Variants in IQSEC1 observed in about 807,000 individuals in gnomAD.
IQSEC1 encodes the protein IQ motif and SEC7 domain-containing protein 1.
In IQSEC1, 31 loss-of-function variants were observed where a neutral mutation model predicts 91.0. The observed-to-expected ratio is 0.34, with a 90% CI of 0.26 to 0.46. The LOEUF is 0.46. Ranked by LOEUF, IQSEC1 falls within the 20% of genes least tolerant of loss-of-function variation. The pLI, the probability that IQSEC1 is intolerant of heterozygous loss-of-function variation, is 1.00. For synonymous variants in IQSEC1, 699 were observed against 662.6 expected (o/e 1.05, Z -0.84); for missense variants, 1,388 against 1,575.6 (o/e 0.88, Z 2.02).
chr3:13,122,958 G>C (rs935929186), intron 2 of IQSEC1, among the ~76,000 whole-genome samples: 2 of 152,176 alleles, frequency 1.3e-5, no homozygotes, highest in Non-Finnish European at 2.9e-5. Flanking sequence ...CTGCCCCCAG[G>C]AGTGTCTTTC....
intron 1 of IQSEC1, among the ~76,000 whole-genome samples, chr3:13,271,442 C>A (rs1388415908): frequency 6.6e-5 from 10 of 151,960 alleles, no homozygotes; most frequent in Admixed American, 6.6e-4. Context: ...ACAACAGAAC[C>A]CCAAAATACA....
Position 13,280,096 on chromosome 3 carries a change from T to A in IQSEC1, c.272+2615A>T, listed in dbSNP as rs112547950. Reference sequence around the variant, plus strand: ...AAAGTATGGGAGGCAGCTATGATCATTCCTGCTTTGCGTGCATTTCAGAAA... The same window carrying A: ...AAAGTATGGGAGGCAGCTATGATCAATCCTGCTTTGCGTGCATTTCAGAAA... On this transcript the variant is annotated intron_variant, in intron 1 of 15. Transcript: ENST00000648114. Among the ~76,000 whole-genome samples the A allele has an allele frequency of 9.8e-3, 1,484 of 152,150 alleles. 29 individuals are homozygous for A. The highest frequency in any genetic ancestry group is 0.034 in the African/African-American group (1,398 of 41,410).
chr3:13,125,113 T>C (rs1559260084), intron 2 of IQSEC1, among the ~76,000 whole-genome samples: 1 of 152,180 alleles, frequency 6.6e-6, no homozygotes, highest in African/African-American at 2.4e-5. Flanking sequence ...CTCTACAGCA[T>C]GGTTTCTGCC....
chr3:12,941,610 G>T lies in IQSEC1; in HGVS notation c.279C>A (p.Ser93=), dbSNP rs139003369. The change falls in exon 2 of 14, where the codon TCC becomes TCA. Residue 93 remains serine, a synonymous_variant. Transcript: ENST00000613206. ...GGTCCGAGGAGAGCTCATAGCTCTCGGAGAGTGAGCGTGAGCGCTTGATGG... is the reference window on the plus strand; with the variant it reads ...GGTCCGAGGAGAGCTCATAGCTCTCTGAGAGTGAGCGTGAGCGCTTGATGG... The part of the protein sequence containing the change: ...EEAIKRSRSL[S]ESYELSSDLQ... The T allele has an allele frequency of 1.2e-3, 1,891 of 1,607,120 alleles. 20 individuals carry two copies. The African/African-American group carries it at 0.022, about 19-fold the overall frequency.
chr3:12,919,061 T>A (rs1158081500), intron 6 of IQSEC1, among the ~76,000 whole-genome samples: 2 of 151,816 alleles, frequency 1.3e-5, no homozygotes, highest in African/African-American at 4.8e-5. Context: ...CTTGGCCCCA[T>A]GAGAAGGGAG....
At chr3:12,916,321 G>A (rs533190045) in intron 6 of IQSEC1, among the ~76,000 whole-genome samples, 174 of 152,282 alleles carry the variant, frequency 1.1e-3, no homozygotes, top group African/African-American at 4.0e-3. Flanking sequence ...TGCTGCAGTG[G>A]TTGCTGTTGC....
intron 1 of IQSEC1, among the ~76,000 whole-genome samples, chr3:12,997,092 T>G (rs543613155): frequency 6.6e-6 from 1 of 152,302 alleles, no homozygotes; most frequent in Non-Finnish European, 1.5e-5. Flanking sequence ...GGTCCAGCAG[T>G]AGGAGAGGGA....
chr3:13,246,579 A>T (rs1695111704), intron 1 of IQSEC1, among the ~76,000 whole-genome samples: 1 of 152,244 alleles, frequency 6.6e-6, no homozygotes. Flanking sequence ...CAAAGGAAAT[A>T]TAGCTACGAA....
In IQSEC1 at chr3:13,267,657, G is replaced by A. The variant is rs1024031391; in HGVS notation, c.272+15054C>T. Among the ~76,000 whole-genome samples, 5 of 137,252 alleles carry A rather than the reference G, an allele frequency of 3.6e-5. No individual in the cohort carries two copies. The East Asian group carries it at 6.3e-4, about 17-fold the overall frequency. 90.0% of individuals were successfully genotyped at this position (137,252 alleles called of 152,430 possible). On this transcript the variant is annotated intron_variant, in intron 1 of 15. Coordinates refer to the IQSEC1 transcript ENST00000648114. ...TTTTTAGACAGAGTCTCGCTCTGTC[G>A]CCCAGGCTGGAGTGCAGGGGCACCA...
chr3:12,965,000 A>G (rs978807276), intron 1 of IQSEC1, among the ~76,000 whole-genome samples: 2 of 152,212 alleles, frequency 1.3e-5, no homozygotes, highest in African/African-American at 4.8e-5. Context: ...ACCAGTTCAT[A>G]GTCCGACTTC....
chr3:13,029,558 C>G (rs1482604107), intron 1 of IQSEC1, among the ~76,000 whole-genome samples: 2 of 152,218 alleles, frequency 1.3e-5, no homozygotes, highest in Non-Finnish European at 2.9e-5. Flanking sequence ...GAAAGCTGCT[C>G]CCTTCAATCT....
At chr3:13,117,673 A>T (rs1330014614) in intron 2 of IQSEC1, among the ~76,000 whole-genome samples, 1 of 149,494 alleles carries the variant, frequency 6.7e-6, no homozygotes, top group Non-Finnish European at 1.5e-5. Context: ...GATCACAAGG[A>T]CAGGAGTTCG....
intron 3 of IQSEC1, among the ~76,000 whole-genome samples, chr3:12,925,037 A>G (rs1482924164): frequency 6.6e-6 from 1 of 152,198 alleles, no homozygotes; most frequent in Admixed American, 6.5e-5. Context: ...GACCTTGTAC[A>G]AAGAATGGGC....
At chr3:12,904,587 C>T (rs917326032) in intron 12 of IQSEC1, among the ~76,000 whole-genome samples, 2 of 152,192 alleles carry the variant, frequency 1.3e-5, no homozygotes, top group African/African-American at 2.4e-5. Flanking sequence ...GACATGGCCT[C>T]CCTCCTCCAC....
chr3:13,088,978 C>T (rs2125136998), intron 2 of IQSEC1, among the ~76,000 whole-genome samples: 1 of 152,378 alleles, frequency 6.6e-6, no homozygotes, highest in Middle Eastern at 3.4e-3. Context: ...GCAGTGGGAG[C>T]CCCTCTGGGG....
chr3:12,971,882 C>CGTG (rs904620556), intron 1 of IQSEC1, among the ~76,000 whole-genome samples: 6 of 151,954 alleles, frequency 3.9e-5, no homozygotes, highest in African/African-American at 1.5e-4. Flanking sequence ...ATTAGCTGGG[C>CGTG]GTGGTGGTGG....
rs773428591 is a variant in IQSEC1, at chr3:12,899,478, CGTGCAGGTCTGGCCCTGGGGA to C, written c.*1484_*1504del. ...GGGTGACTCGGGCACAGACCTGCCGCGTGCAGGTCTGGCCCTGGGGAGCGCATGGTGTCACCACAACACAGA... is the reference window on the plus strand; with the variant it reads ...GGGTGACTCGGGCACAGACCTGCCGCGCGCATGGTGTCACCACAACACAGA... On this transcript the variant is annotated 3_prime_UTR_variant, in exon 14 of 14. Coordinates refer to ENST00000613206, the MANE Select transcript of IQSEC1 (RefSeq NM_001134382.3). 1.9e-6 allele frequency: 3 copies of C among 1,596,856 alleles called. No individual in the cohort carries two copies. Among genetic ancestry groups the C allele is most frequent in the Admixed American group, 1.7e-5 (1 of 57,318 alleles).
Position 12,978,923 on chromosome 3 carries a change from G to A in IQSEC1, c.24-37058C>T, listed in dbSNP as rs116461498. 6.8e-3 allele frequency among the ~76,000 whole-genome samples: 1,033 copies of A among 152,276 alleles called. 16 individuals carry two copies. Among genetic ancestry groups the A allele is most frequent in the African/African-American group, 0.024 (977 of 41,546 alleles). On this transcript the variant is annotated intron_variant, in intron 1 of 13. Coordinates refer to ENST00000613206, the MANE Select transcript of IQSEC1 (RefSeq NM_001134382.3). ...GGTGGCCCAGCAGGATAAAGGCATT[G>A]CAGGTACATGAAGTGGCAAGGGCAA...
chr3:13,160,648 T>C (rs375824154), intron 2 of IQSEC1, among the ~76,000 whole-genome samples: 1 of 152,196 alleles, frequency 6.6e-6, no homozygotes, highest in South Asian at 2.1e-4. Flanking sequence ...ATGGGAGTGG[T>C]CCATTTTTCC....
Sources: allele counts gnomAD v4.1 joint callset (sites outside exome capture counted in the v4.1 genomes callset), GRCh38; gene constraint gnomAD v4.1.1; transcripts MANE v1.5; gene names NCBI Gene and HGNC (gene_info 2026-07-23, HGNC 2026-07-21).